The following DAB1 variants were observed in gnomAD, a reference collection of about 807,000 sequenced individuals.
The protein encoded by DAB1 is disabled homolog 1.
DAB1 carries 15 observed loss-of-function variants against 64.6 expected under a neutral mutation model. The ratio of observed to expected loss-of-function variants is 0.23; its 90% confidence interval spans 0.16 to 0.36. The LOEUF (loss-of-function observed/expected upper bound fraction) is 0.36. Among genes scored for constraint, DAB1 ranks in the 10% least tolerant of loss-of-function variants. The probability of loss-of-function intolerance (pLI) is 1.00; values close to 1 mark genes in which losing one functional copy is unlikely to be tolerated. For synonymous variants in DAB1, 235 were observed against 251.9 expected, an observed-to-expected ratio of 0.93 and a Z score of 0.64; for missense variants, 596 against 706.7, an observed-to-expected ratio of 0.84 and a Z score of 1.78.
intron 6 of DAB1, among the ~76,000 whole-genome samples, chr1:57,795,317 G>T (rs1220278517): frequency 1.3e-5 from 2 of 152,036 alleles, no homozygotes; most frequent in African/African-American, 2.4e-5. Flanking sequence ...AAATTTATTT[G>T]AGCACTAGAA....
chr1:57,569,025 G>A (rs1362439994), intron 7 of DAB1, among the ~76,000 whole-genome samples: 61 of 151,708 alleles, frequency 4.0e-4, no homozygotes, highest in Non-Finnish European at 7.4e-4. Context: ...TTGGGAGGCC[G>A]AGGCGGGCGG....
At chr1:58,522,499 G>A (rs12127273) in intron 2 of DAB1, among the ~76,000 whole-genome samples, 1 of 152,108 alleles carries the variant, frequency 6.6e-6, no homozygotes, top group Admixed American at 6.5e-5. Context: ...TTGCCCCTAA[G>A]ATCAGGGAGA....
Position 57,086,020 on chromosome 1 carries a change from A to G in DAB1, c.307-13606T>C, listed in dbSNP as rs1653039450. Among the ~76,000 whole-genome samples, 3 of 152,296 alleles carry G rather than the reference A, an allele frequency of 2.0e-5. No individual in the cohort carries two copies. In the South Asian group the frequency reaches 6.2e-4, roughly 32 times the overall value. On this transcript the variant is annotated intron_variant, in intron 4 of 14. Coordinates refer to ENST00000371236, the MANE Select transcript of DAB1 (RefSeq NM_001365792.1). ...AACAGCATGTTATATAGGCAACTGCAATCAGTATGGGATTATTAGGCAATA... is the reference window on the plus strand; with the variant it reads ...AACAGCATGTTATATAGGCAACTGCGATCAGTATGGGATTATTAGGCAATA...
intron 7 of DAB1, among the ~76,000 whole-genome samples, chr1:57,551,966 C>T (rs1644919111): frequency 6.6e-6 from 1 of 152,178 alleles, no homozygotes; most frequent in East Asian, 1.9e-4. Context: ...TGCATTCACA[C>T]TTTCAAACCA....
At chr1:58,178,644 CA>C (rs955552599) in intron 4 of DAB1, among the ~76,000 whole-genome samples, 4 of 152,132 alleles carry the variant, frequency 2.6e-5, no homozygotes, top group Admixed American at 1.3e-4. Flanking sequence ...CAGAGATGAG[CA>C]AACTTTTCTA....
intron 4 of DAB1, among the ~76,000 whole-genome samples, chr1:58,226,877 T>C (rs935116664): frequency 1.3e-5 from 2 of 152,204 alleles, no homozygotes; most frequent in African/African-American, 2.4e-5. Flanking sequence ...GTTGAATCTC[T>C]GGCACAGTGT....
intron 7 of DAB1, among the ~76,000 whole-genome samples, chr1:57,518,924 G>A (rs937788224): frequency 4.6e-5 from 7 of 152,174 alleles, no homozygotes; most frequent in African/African-American, 1.7e-4. Context: ...TGGGGTGGGA[G>A]TCAATGCTGT....
rs373668713 is a variant in DAB1, at chr1:58,343,486, C to G, written n.258-83G>C. ...ACAGCCCTGGGTTAGAGTGTGGTAG[C>G]ACAAGGTATCAGCTTACTGCTGCAA... On this transcript the variant is annotated intron_variant and non_coding_transcript_variant, in intron 3 of 20. Transcript: ENST00000485760. 10 of 152,300 alleles carry G rather than the reference C, an allele frequency of 6.6e-5. No homozygotes were observed. In the East Asian group the frequency reaches 1.4e-3, roughly 21 times the overall value. 9.4% of individuals were successfully genotyped at this position (152,300 alleles called of 1,614,324 possible). A position where few individuals can be genotyped will look rare whatever the true frequency, so the allele number is the denominator to read the frequency against.
chr1:58,120,640 T>C (rs968112299), intron 5 of DAB1, among the ~76,000 whole-genome samples: 8 of 152,198 alleles, frequency 5.3e-5, no homozygotes, highest in African/African-American at 1.9e-4. Flanking sequence ...GCAATGGCAC[T>C]AAAAGACTAT....
intron 4 of DAB1, among the ~76,000 whole-genome samples, chr1:58,293,218 CTCAACTATGCAG>C (rs1661887770): frequency 7.9e-5 from 12 of 152,182 alleles, no homozygotes; most frequent in Admixed American, 6.5e-4. Flanking sequence ...TTGAGTCTAG[CTCAACTATGCAG>C]ATATCTTCAT....
chr1:58,118,843 C>A lies in DAB1; in HGVS notation n.387+31668G>T, dbSNP rs185519418. Among the ~76,000 whole-genome samples the A allele has an allele frequency of 3.0e-3, 461 of 151,764 alleles. 3 individuals are homozygous for A. Among genetic ancestry groups the A allele is most frequent in the African/African-American group, 0.011 (439 of 41,398 alleles). On this transcript the variant is annotated intron_variant and non_coding_transcript_variant, in intron 5 of 20. Transcript: ENST00000485760. ...ATAGCAGTGCTGGGCAGTACAGCTC[C>A]AGAACCCATGCTCATAACCACTACA...
chr1:57,702,222 T>C (rs879802813), intron 6 of DAB1, among the ~76,000 whole-genome samples: 10 of 151,936 alleles, frequency 6.6e-5, no homozygotes, highest in Non-Finnish European at 1.2e-4. Flanking sequence ...ACCAGGGGAG[T>C]GTTTCAGTCT....
chr1:57,730,371 C>A (rs1647357318), intron 6 of DAB1, among the ~76,000 whole-genome samples: 1 of 152,228 alleles, frequency 6.6e-6, no homozygotes, highest in African/African-American at 2.4e-5. Context: ...AACTCCTGAG[C>A]AGCTACTCTC....
chr1:58,039,891 A>AT (rs1647108387), intron 5 of DAB1, among the ~76,000 whole-genome samples: 1 of 152,222 alleles, frequency 6.6e-6, no homozygotes, highest in Non-Finnish European at 1.5e-5. Flanking sequence ...ACATGGGAAG[A>AT]TTTTAATAAC....
chr1:57,010,823 C>G, intron 13 of DAB1, 33 bp from the exon 14 acceptor site: 1 of 1,398,940 alleles, frequency 7.1e-7, no homozygotes, highest in Non-Finnish European at 9.7e-7. Context: ...TTTTTTTTTT[C>G]TCTCTTTTCA....
At chr1:58,209,156 A>G (rs558691289) in intron 4 of DAB1, among the ~76,000 whole-genome samples, 6 of 152,330 alleles carry the variant, frequency 3.9e-5, no homozygotes, top group Admixed American at 3.3e-4. Flanking sequence ...CTGACCAGCA[A>G]TGATGCATTA....
At chr1:57,934,103 G>GTGTGTT (rs1309674447) in intron 5 of DAB1, among the ~76,000 whole-genome samples, 2 of 149,760 alleles carry the variant, frequency 1.3e-5, no homozygotes, top group African/African-American at 5.0e-5. Context: ...GTGTGTGTGT[G>GTGTGTT]TTTAGTAGAG....
At chr1:57,279,395 A>AT (rs1474808515) in intron 2 of DAB1, among the ~76,000 whole-genome samples, 4 of 152,116 alleles carry the variant, frequency 2.6e-5, no homozygotes, top group African/African-American at 9.7e-5. Flanking sequence ...TAATTGTTGT[A>AT]TTTTTTGCCT....
intron 5 of DAB1, among the ~76,000 whole-genome samples, chr1:58,010,422 C>A (rs577798043): frequency 6.6e-6 from 1 of 152,128 alleles, no homozygotes; most frequent in African/African-American, 2.4e-5. Flanking sequence ...TTCTTCAAAG[C>A]GCCACACATG....
Sources: gnomAD v4.1 joint callset for allele counts (sites outside exome capture counted in the v4.1 genomes callset) on GRCh38, gnomAD v4.1.1 for gene constraint, MANE v1.5 for transcripts, NCBI Gene and HGNC (gene_info 2026-07-23, HGNC 2026-07-21) for gene names.